MIR2052HG: variants seen among roughly 807,000 people sequenced by gnomAD.
The protein encoded by MIR2052HG is MIR2052 host gene.
intron 2 of MIR2052HG, among the ~76,000 whole-genome samples, chr8:74,662,488 G>A (rs754891315): frequency 1.3e-5 from 2 of 152,002 alleles, no homozygotes; most frequent in East Asian, 1.9e-4. Flanking sequence ...TAGTGCATGC[G>A]GGGCTTAAAA....
intron 2 of MIR2052HG, among the ~76,000 whole-genome samples, chr8:74,636,259 A>G (rs558320163): frequency 2.6e-5 from 4 of 152,244 alleles, no homozygotes; most frequent in Admixed American, 1.3e-4. Context: ...CCTTGTTCCA[A>G]GTCCTGCTGG....
chr8:74,722,674 A>C (rs1295526435), intron 4 of MIR2052HG, among the ~76,000 whole-genome samples: 9 of 152,210 alleles, frequency 5.9e-5, no homozygotes, highest in African/African-American at 2.2e-4. Flanking sequence ...ATTTACATTT[A>C]TTTCAATATC....
At chr8:74,659,607 A>C (rs1165172387) in intron 2 of MIR2052HG, among the ~76,000 whole-genome samples, 2 of 152,196 alleles carry the variant, frequency 1.3e-5, no homozygotes, top group East Asian at 3.9e-4. Flanking sequence ...CACCTGGCTA[A>C]CTTTTAGAAA....
intron 4 of MIR2052HG, among the ~76,000 whole-genome samples, chr8:74,730,414 G>T (rs1238810141): frequency 6.6e-6 from 1 of 152,088 alleles, no homozygotes; most frequent in Non-Finnish European, 1.5e-5. Flanking sequence ...AGTTTCTACT[G>T]TTCATAAGAA....
chr8:74,673,887 G>GTATATA (rs61228134), intron 2 of MIR2052HG, among the ~76,000 whole-genome samples: 28,873 of 121,214 alleles, frequency 0.24, 3,877 homozygotes, highest in East Asian at 0.51. Flanking sequence ...GTATTTTTTT[G>GTATATA]TATATATATA....
At chr8:74,661,025 G>A (rs1808858723) in intron 2 of MIR2052HG, among the ~76,000 whole-genome samples, 1 of 152,002 alleles carries the variant, frequency 6.6e-6, no homozygotes, top group Non-Finnish European at 1.5e-5. Context: ...ACAAAAATCT[G>A]CTCTGTCAGC....
chr8:74,718,384 T>C (rs978095268), intron 4 of MIR2052HG, among the ~76,000 whole-genome samples: 2 of 151,926 alleles, frequency 1.3e-5, no homozygotes, highest in Non-Finnish European at 2.9e-5. Flanking sequence ...GTGTCGGGGG[T>C]CAGGCTCTTA....
chr8:74,606,762 G>A (rs1464362164), intron 1 of MIR2052HG, among the ~76,000 whole-genome samples: 1 of 152,082 alleles, frequency 6.6e-6, no homozygotes, highest in Non-Finnish European at 1.5e-5. Context: ...GACAATCTGT[G>A]CAACAAATTC....
intron 2 of MIR2052HG, among the ~76,000 whole-genome samples, chr8:74,689,679 G>C (rs76963230): frequency 0.012 from 1,840 of 152,274 alleles, 41 homozygotes; most frequent in African/African-American, 0.042. Flanking sequence ...GGCAGAAAAT[G>C]TAAAGAAGGA....
At chr8:74,662,047 A>G (rs574904918) in intron 2 of MIR2052HG, among the ~76,000 whole-genome samples, 2 of 152,292 alleles carry the variant, frequency 1.3e-5, no homozygotes, top group Non-Finnish European at 2.9e-5. Context: ...ATTTTACCCT[A>G]CCTTTAGGCA....
At chr8:74,619,497 A>G (rs1308948892) in intron 2 of MIR2052HG, among the ~76,000 whole-genome samples, 1 of 152,254 alleles carries the variant, frequency 6.6e-6, no homozygotes, top group Non-Finnish European at 1.5e-5. Flanking sequence ...AAGAGGTTTT[A>G]TAGACTCATA....
chr8:74,681,776 G>T (rs1466303472), intron 2 of MIR2052HG, among the ~76,000 whole-genome samples: 1 of 152,126 alleles, frequency 6.6e-6, no homozygotes, highest in Admixed American at 6.6e-5. Flanking sequence ...AGAACCATGA[G>T]TCAAATAAAC....
At chr8:74,718,434 C>A (rs187293564) in intron 4 of MIR2052HG, among the ~76,000 whole-genome samples, 1 of 151,960 alleles carries the variant, frequency 6.6e-6, no homozygotes, top group Non-Finnish European at 1.5e-5. Flanking sequence ...GTTTTCCTCA[C>A]CTGTATGGTT....
rs62521646 is a variant in MIR2052HG, at chr8:74,751,119, C to T, written n.372-1322C>T. ...AATCAATGCTGGTGGCACTTACGGT[C>T]GTTTGCGGTCATGTGCAGAGTGGCA... is the stretch of plus-strand genomic sequence containing the variant. On this transcript the variant is annotated intron_variant and non_coding_transcript_variant, in intron 4 of 6. Coordinates refer to ENST00000523442, the Ensembl canonical transcript of MIR2052HG. Among the ~76,000 whole-genome samples the T allele has an allele frequency of 9.2e-3, 1,394 of 152,300 alleles. 7 individuals carry two copies. The highest frequency in any genetic ancestry group is 0.012 in the Non-Finnish European group (801 of 68,036).
intron 5 of MIR2052HG, chr8:74,757,801 G>C (rs1195190133): frequency 1.3e-5 from 2 of 152,024 alleles, no homozygotes; most frequent in African/African-American, 2.4e-5. Flanking sequence ...ATTTCTGCTT[G>C]TTGATTCTGT....
At chr8:74,728,008 C>T (rs1409166274) in intron 4 of MIR2052HG, among the ~76,000 whole-genome samples, 1 of 152,216 alleles carries the variant, frequency 6.6e-6, no homozygotes, top group East Asian at 1.9e-4. Flanking sequence ...TCTATATCTG[C>T]TGTACCTACA....
At chr8:74,663,032 C>CT (rs1808883533) in intron 2 of MIR2052HG, among the ~76,000 whole-genome samples, 1 of 152,040 alleles carries the variant, frequency 6.6e-6, no homozygotes, top group Non-Finnish European at 1.5e-5. Flanking sequence ...AAAATTGCAT[C>CT]TTATTTTAAT....
At chr8:74,705,453 G>T (rs1809400665) in intron 4 of MIR2052HG, among the ~76,000 whole-genome samples, 1 of 151,928 alleles carries the variant, frequency 6.6e-6, no homozygotes, top group South Asian at 2.1e-4. Flanking sequence ...TGATACTTAA[G>T]GTCGTTTCCA....
intron 4 of MIR2052HG, among the ~76,000 whole-genome samples, chr8:74,729,891 G>A (rs183686447): frequency 2.0e-5 from 3 of 152,246 alleles, no homozygotes; most frequent in Non-Finnish European, 4.4e-5. Flanking sequence ...CTCTATGGTT[G>A]TAAATGTATA....
Sources: allele counts gnomAD v4.1 joint callset (sites outside exome capture counted in the v4.1 genomes callset), GRCh38; gene constraint gnomAD v4.1.1; transcripts MANE v1.5; gene names NCBI Gene and HGNC (gene_info 2026-07-23, HGNC 2026-07-21).